The following FAM13B variants were observed in gnomAD, a reference collection of about 807,000 sequenced individuals.
The protein encoded by FAM13B is family with sequence similarity 13 member B, also known as protein FAM13B.
FAM13B carries 60 observed loss-of-function variants against 117.3 expected under a neutral mutation model. The ratio of observed to expected loss-of-function variants is 0.51; its 90% CI spans 0.42 to 0.63. FAM13B has a LOEUF of 0.63. FAM13B is among the 30% of genes least tolerant of loss of function. FAM13B has a pLI of 0.00. For missense variants in FAM13B, 972 were observed against 1,091.9 expected, an observed-to-expected ratio of 0.89 and a Z score of 1.55; for synonymous variants, 332 against 356.1, an observed-to-expected ratio of 0.93 and a Z score of 0.76.
intron 13 of FAM13B, 104 bp downstream of exon 13, chr5:137,959,512 A>G: frequency 8.4e-7 from 1 of 1,185,824 alleles, no homozygotes; most frequent in Non-Finnish European, 1.2e-6. Context: ...GAAGATCAAG[A>G]TGAATAAGGT....
chr5:137,997,245 G>A (rs756069312), intron 7 of FAM13B, among the ~76,000 whole-genome samples: 3 of 152,032 alleles, frequency 2.0e-5, no homozygotes, highest in Non-Finnish European at 4.4e-5. Context: ...CGAGGCAGGT[G>A]GATCACGAGG....
intron 10 of FAM13B, among the ~76,000 whole-genome samples, chr5:137,980,437 TTTC>T (rs1351965297): frequency 1.7e-4 from 20 of 115,414 alleles, no homozygotes; most frequent in Admixed American, 1.7e-3. Flanking sequence ...GATACACTAA[TTTC>T]TTTTTTTTTT....
intron 7 of FAM13B, among the ~76,000 whole-genome samples, chr5:137,989,970 A>G (rs1343934316): frequency 2.0e-5 from 3 of 152,232 alleles, no homozygotes; most frequent in Non-Finnish European, 4.4e-5. Flanking sequence ...CCTGTGAGCT[A>G]AAAGTTAAAT....
At chr5:138,048,724 A>G (rs1177645787) in intron 1 of FAM13B, among the ~76,000 whole-genome samples, 1 of 152,196 alleles carries the variant, frequency 6.6e-6, no homozygotes, top group Non-Finnish European at 1.5e-5. Context: ...TAGAAGGTAT[A>G]TAGGGTTTGT....
In FAM13B at chr5:138,011,842, G is replaced by T; in HGVS notation, c.474C>A (p.Ala158=). The T allele has an allele frequency of 6.2e-7, 1 of 1,607,730 alleles. No homozygotes were observed. The highest frequency in any genetic ancestry group is 8.5e-7 in the Non-Finnish European group (1 of 1,177,742). Residue 158 remains alanine (A), a synonymous_variant, in exon 5 of 24, where the codon GCC becomes GCA. Transcript: ENST00000689681. ...TTTCTTCATGATGTGATGCTACATT[G>T]GCTAAAAATCTACACAGAAACTTTA... ...SLLKFLCRFL[A]NVASHHEEIW...
chr5:138,041,031 T>C (rs1228630067), intron 1 of FAM13B, among the ~76,000 whole-genome samples: 2 of 133,936 alleles, frequency 1.5e-5, no homozygotes, highest in Non-Finnish European at 3.0e-5. Flanking sequence ...GCCACTGCAC[T>C]CCAGCCTAGG....
chr5:138,019,048 C>G lies in FAM13B; in HGVS notation c.64G>C (p.Gly22Arg). ...TGCTGCAGCTCATCAAGTGGAATTC[C>G]AAATATTTTGTTAGCAAGAACGGAG... ...CNSVLANKIF[G>R]IPLDELQQGG... The change falls in exon 3 of 24, where the codon GGA becomes CGA. Residue 22 changes from glycine to arginine, a missense_variant. Coordinates refer to ENST00000689681, the MANE Select transcript of FAM13B (RefSeq NM_001385994.1). 1 of 1,613,898 alleles carries G rather than the reference C, an allele frequency of 6.2e-7. No individual in the cohort carries two copies. Among genetic ancestry groups the G allele is most frequent in the Non-Finnish European group, 8.5e-7 (1 of 1,179,968 alleles).
chr5:137,986,351 A>C (rs1387933281), intron 9 of FAM13B, among the ~76,000 whole-genome samples: 2 of 151,358 alleles, frequency 1.3e-5, no homozygotes, highest in Non-Finnish European at 2.9e-5. Flanking sequence ...TAAAAAAAAA[A>C]CCACTCCCCA....
Position 137,954,257 on chromosome 5 carries a change from A to G in FAM13B, c.1627T>C (p.Ser543Pro). 1.9e-6 allele frequency: 3 copies of G among 1,614,076 alleles called. No individual in the cohort carries two copies. The highest frequency in any genetic ancestry group is 1.7e-6 in the Non-Finnish European group (2 of 1,180,006). The change falls in exon 15 of 24, where the codon TCA (serine) becomes CCA (proline). Residue 543 changes from serine (S) to proline (P), a missense_variant. By Grantham distance (74) the Ser-to-Pro change is moderately conservative (BLOSUM62 -1). Coordinates refer to ENST00000689681, the MANE Select transcript of FAM13B (RefSeq NM_001385994.1). ...TGACCAAAATCTAAACTGCGGTGTGATAATACTGGAGGACAGTCCTCTTCC... is the reference window on the plus strand; with the variant it reads ...TGACCAAAATCTAAACTGCGGTGTGGTAATACTGGAGGACAGTCCTCTTCC... Reference protein sequence around the residue: ...PLEEDCPPVLSHRSLDFGQSQ... With the variant: ...PLEEDCPPVLPHRSLDFGQSQ...
At chr5:138,025,404 C>A (rs1165662088) in intron 1 of FAM13B, among the ~76,000 whole-genome samples, 9 of 145,160 alleles carry the variant, frequency 6.2e-5, no homozygotes, top group African/African-American at 2.1e-4. Flanking sequence ...AACTCCTGGG[C>A]TCAAGCAAAC....
upstream of FAM13B, among the ~76,000 whole-genome samples, chr5:138,034,773 C>T (rs1056279393): frequency 3.3e-5 from 5 of 152,086 alleles, no homozygotes; most frequent in African/African-American, 1.2e-4. Flanking sequence ...AAAGCTTTAC[C>T]TGTGATTCCA....
intron 13 of FAM13B, among the ~76,000 whole-genome samples, 185 bp from the exon 14 acceptor site, chr5:137,956,727 ACATTTCCAT>A (rs1355266335): frequency 1.3e-5 from 2 of 149,742 alleles, no homozygotes; most frequent in Non-Finnish European, 3.0e-5. Flanking sequence ...CACAAACATA[ACATTTCCAT>A]TTCAGCAAGC....
chr5:138,003,778 G>A (rs1203707633), intron 7 of FAM13B, among the ~76,000 whole-genome samples: 1 of 152,180 alleles, frequency 6.6e-6, no homozygotes, highest in Non-Finnish European at 1.5e-5. Flanking sequence ...CAGACAGACG[G>A]AGGCAGTCAG....
At chr5:137,946,027 G>C in intron 19 of FAM13B, 30 bp from the exon 20 acceptor site, 2 of 1,546,008 alleles carry the variant, frequency 1.3e-6, no homozygotes, top group East Asian at 2.2e-5. Flanking sequence ...AAATTGTCTA[G>C]TCATCACAAA....
chr5:137,945,749 A>G (rs1488756154), intron 20 of FAM13B, among the ~76,000 whole-genome samples, 153 bp downstream of exon 20: 1 of 152,248 alleles, frequency 6.6e-6, no homozygotes, highest in Non-Finnish European at 1.5e-5. Context: ...AGACATTATT[A>G]GTTTCCTATT....
intron 7 of FAM13B, among the ~76,000 whole-genome samples, chr5:137,997,013 A>C (rs1005612696): frequency 6.6e-6 from 1 of 152,378 alleles, no homozygotes; most frequent in Middle Eastern, 3.4e-3. Flanking sequence ...GCATAAATTA[A>C]AAATTACCTA....
intron 1 of FAM13B, among the ~76,000 whole-genome samples, chr5:138,024,882 T>G (rs1282810743): frequency 9.9e-6 from 1 of 100,552 alleles, no homozygotes; most frequent in African/African-American, 3.2e-5. Flanking sequence ...TTGTTTGTTT[T>G]TTTTTTGAGA....
In FAM13B at chr5:138,011,134, C is replaced by T. The variant is rs752219920; in HGVS notation, c.564G>A (p.Val188=). Residue 188 remains valine (V), a synonymous_variant, in exon 6 of 24, where the codon GTG becomes GTA. Coordinates refer to ENST00000689681, the MANE Select transcript of FAM13B (RefSeq NM_001385994.1). ...GPDVFHIYTD[V]EDMKEQEIVS... The stretch of plus-strand genomic sequence containing the variant: ...CTATTTCTTGCTCTTTCATGTCTTC[C>T]ACATCTGTGTAAATGCTAAGAATAG... The T allele has an allele frequency of 2.5e-6, 4 of 1,605,956 alleles. No individual in the cohort carries two copies. Among genetic ancestry groups the T allele is most frequent in the Non-Finnish European group, 3.4e-6 (4 of 1,178,382 alleles).
At chr5:137,943,697 G>A (rs1157485859) in intron 20 of FAM13B, among the ~76,000 whole-genome samples, 1 of 152,064 alleles carries the variant, frequency 6.6e-6, no homozygotes, top group African/African-American at 2.4e-5. Context: ...AGTGAGCCAA[G>A]TTGTACCACC....
Sources: allele counts gnomAD v4.1 joint callset (sites outside exome capture counted in the v4.1 genomes callset), GRCh38; gene constraint gnomAD v4.1.1; transcripts MANE v1.5; gene names NCBI Gene and HGNC (gene_info 2026-07-23, HGNC 2026-07-21).